KCNH7: variants seen among roughly 807,000 people sequenced by gnomAD.
KCNH7 encodes the protein voltage-gated inwardly rectifying potassium channel KCNH7.
Under a neutral mutation model 120.8 loss-of-function variants are expected in KCNH7, and 49 were observed. That is an observed-to-expected ratio of 0.41 (90% CI 0.32 to 0.51). The LOEUF (loss-of-function observed/expected upper bound fraction) is 0.51. Ranked by LOEUF, KCNH7 falls within the 20% of genes least tolerant of loss-of-function variation. The pLI is 0.38. For missense variants in KCNH7, 1,097 were observed against 1,446.6 expected (o/e 0.76, Z 3.92); for synonymous variants, 547 against 516.1 (o/e 1.06, Z -0.81).
chr2:162,709,184 T>C (rs1199301111), intron 2 of KCNH7, among the ~76,000 whole-genome samples: 1 of 152,126 alleles, frequency 6.6e-6, no homozygotes, highest in East Asian at 1.9e-4. Flanking sequence ...TTAAATAAAG[T>C]TCATTTTAGT....
chr2:162,579,501 G>A (rs1693803063), intron 2 of KCNH7, among the ~76,000 whole-genome samples: 1 of 152,012 alleles, frequency 6.6e-6, no homozygotes, highest in African/African-American at 2.4e-5. Context: ...CAGTTTCAGT[G>A]AGTAGGTTGG....
intron 6 of KCNH7, chr2:162,501,957 G>A (rs1690701443): frequency 6.6e-6 from 1 of 151,972 alleles, no homozygotes; most frequent in Middle Eastern, 3.2e-3. Flanking sequence ...AAGATAAAGT[G>A]TGAGACCAAA....
intron 6 of KCNH7, among the ~76,000 whole-genome samples, chr2:162,465,837 C>A (rs1303135375): frequency 6.6e-6 from 1 of 152,024 alleles, no homozygotes; most frequent in African/African-American, 2.4e-5. Context: ...GCTATGGATC[C>A]AAAGGAGGCA....
At chr2:162,525,456 C>G (rs1229979290) in intron 3 of KCNH7, among the ~76,000 whole-genome samples, 1 of 151,874 alleles carries the variant, frequency 6.6e-6, no homozygotes, top group African/African-American at 2.4e-5. Context: ...GAAGACAGGA[C>G]AAGATGGTGG....
intron 2 of KCNH7, among the ~76,000 whole-genome samples, chr2:162,792,424 G>T (rs1316136184): frequency 6.6e-6 from 1 of 151,756 alleles, no homozygotes; most frequent in East Asian, 1.9e-4. Context: ...GGCTTTTTTT[G>T]GTTAGTAAGC....
At chr2:162,684,299 C>A (rs1364335209) in intron 2 of KCNH7, among the ~76,000 whole-genome samples, 1 of 152,100 alleles carries the variant, frequency 6.6e-6, no homozygotes, top group Non-Finnish European at 1.5e-5. Flanking sequence ...GCAAAGTCTT[C>A]ATGACTAAAG....
chr2:162,445,906 T>C, intron 7 of KCNH7, 112 bp downstream of exon 7: 1 of 809,016 alleles, frequency 1.2e-6, no homozygotes, highest in South Asian at 1.9e-5. Context: ...AAAATGAATT[T>C]TATCAGTGAG....
chr2:162,675,873 C>A (rs938890860), intron 2 of KCNH7, among the ~76,000 whole-genome samples: 40 of 151,108 alleles, frequency 2.6e-4, no homozygotes, highest in Non-Finnish European at 5.9e-5. Flanking sequence ...TTTTGTATGG[C>A]AAAAATCATG....
chr2:162,653,842 C>G (rs1684649736), intron 2 of KCNH7, among the ~76,000 whole-genome samples: 1 of 152,018 alleles, frequency 6.6e-6, no homozygotes, highest in Non-Finnish European at 1.5e-5. Context: ...AGAAATAAAC[C>G]CACACATTTA....
At position 162,373,542 on chromosome 2, in the gene KCNH7, G is replaced by C. The variant is rs148899074; in HGVS notation, c.3252C>G (p.Ile1084Met). The stretch of plus-strand genomic sequence containing the variant: ...GTTGACTGGTTCTCATCAGCTGGAT[G>C]ATGGGTCTCTGATATTCTGATCCTG... Reference protein sequence around the residue: ...VTAGSEYQRPIIQLMRTSQPE... With the variant: ...VTAGSEYQRPMIQLMRTSQPE... Residue 1084 changes from isoleucine (I) to methionine (M), a missense_variant, in exon 15 of 16, where the codon ATC becomes ATG. Physicochemically the swap from Ile to Met is conservative, Grantham distance 10. This residue lies in a region of KCNH7 where 406 missense variants were observed against 410.5 expected (regional missense o/e 0.99). Coordinates refer to ENST00000332142, the MANE Select transcript of KCNH7 (RefSeq NM_033272.4). 58 of 1,591,702 alleles carry C rather than the reference G, an allele frequency of 3.6e-5. No homozygotes were observed. The highest frequency in any genetic ancestry group is 1.7e-4 in the Middle Eastern group (1 of 5,994).
At chr2:162,618,402 T>A (rs76107132) in intron 2 of KCNH7, among the ~76,000 whole-genome samples, 6,839 of 152,116 alleles carry the variant, frequency 0.045, 296 homozygotes, top group East Asian at 0.12. Context: ...TTAAATGAGC[T>A]AATTATTAGA....
At chr2:162,752,871 A>G (rs553972067) in intron 2 of KCNH7, among the ~76,000 whole-genome samples, 9 of 144,830 alleles carry the variant, frequency 6.2e-5, no homozygotes, top group Non-Finnish European at 1.0e-4. Flanking sequence ...ATTGCACTCC[A>G]GCCTGGGCAA....
chr2:162,463,763 T>C (rs975350715), intron 6 of KCNH7, among the ~76,000 whole-genome samples: 1 of 148,178 alleles, frequency 6.7e-6, no homozygotes, highest in African/African-American at 2.5e-5. Context: ...TTACTAAGAA[T>C]CTCTCTTCCA....
At chr2:162,562,717 T>C (rs1025939046) in intron 2 of KCNH7, among the ~76,000 whole-genome samples, 5 of 152,156 alleles carry the variant, frequency 3.3e-5, no homozygotes, top group African/African-American at 1.2e-4. Context: ...AGCTTGCCAG[T>C]CAATAAAGCG....
intron 2 of KCNH7, among the ~76,000 whole-genome samples, chr2:162,820,197 G>A (rs978669820): frequency 1.8e-5 from 2 of 113,696 alleles, no homozygotes; most frequent in African/African-American, 3.1e-5. Context: ...CCAGCACCAC[G>A]CCCGGCTAAT....
chr2:162,544,071 G>A (rs1207698950), intron 2 of KCNH7, among the ~76,000 whole-genome samples: 1 of 152,070 alleles, frequency 6.6e-6, no homozygotes, highest in Non-Finnish European at 1.5e-5. Context: ...ACATAGTAGG[G>A]GGAAGGCCCT....
intron 6 of KCNH7, among the ~76,000 whole-genome samples, chr2:162,476,995 A>G (rs1274919251): frequency 6.6e-6 from 1 of 152,216 alleles, no homozygotes; most frequent in Non-Finnish European, 1.5e-5. Context: ...TAGTTACCTC[A>G]GGAATTAGGA....
chr2:162,812,410 G>A (rs1684762625), intron 2 of KCNH7, among the ~76,000 whole-genome samples: 1 of 152,048 alleles, frequency 6.6e-6, no homozygotes, highest in Non-Finnish European at 1.5e-5. Flanking sequence ...TCTAGATCAA[G>A]GGTTGTGGAC....
chr2:162,736,023 T>A (rs1311256644), intron 2 of KCNH7, among the ~76,000 whole-genome samples: 1 of 152,182 alleles, frequency 6.6e-6, no homozygotes, highest in African/African-American at 2.4e-5. Context: ...TTAGGTAATG[T>A]CTGGTGGAAC....
Sources: allele counts gnomAD v4.1 joint callset (sites outside exome capture counted in the v4.1 genomes callset), GRCh38; gene constraint gnomAD v4.1.1; regional missense constraint gnomAD v4.1.1; transcripts MANE v1.5; gene names NCBI Gene and HGNC (gene_info 2026-07-23, HGNC 2026-07-21).